CCDC91: variants seen among roughly 807,000 people sequenced by gnomAD.
The protein encoded by CCDC91 is coiled-coil domain containing 91, also known as coiled-coil domain-containing protein 91.
CCDC91 carries 48 observed loss-of-function variants against 63.2 expected under a neutral mutation model. That is an observed-to-expected ratio of 0.76 (90% confidence interval 0.60 to 0.97). The LOEUF (loss-of-function observed/expected upper bound fraction) is 0.97, where lower values mean the gene tolerates loss of function less well. Ranked by LOEUF, CCDC91 falls within the 50% of genes least tolerant of loss-of-function variation. CCDC91 has a pLI of 0.00. For missense variants in CCDC91, 500 were observed against 494.6 expected (o/e 1.01, Z -0.10); for synonymous variants, 167 against 165.8 (o/e 1.01, Z -0.06).
Position 28,289,685 on chromosome 12 carries a change from C to CTTTT in CCDC91, c.110-15944_110-15941dup, listed in dbSNP as rs75555723. Among the ~76,000 whole-genome samples the CTTTT allele has an allele frequency of 4.5e-3, 441 of 98,470 alleles. 31 individuals carry two copies. The highest frequency in any genetic ancestry group is 0.018 in the African/African-American group (383 of 20,726). 64.6% of individuals were successfully genotyped at this position (98,470 alleles called of 152,430 possible). A position where few individuals can be genotyped will look rare whatever the true frequency, so the allele number is the denominator to read the frequency against. ...TTGGGGTGGAGAGTTCTTTTCTTTT[C>CTTTT]TTTTTTTTTTTTTTTTTTTTTTTGA... On this transcript the variant is annotated intron_variant, in intron 3 of 12. Coordinates refer to ENST00000536442, the MANE Select transcript of CCDC91 (RefSeq NM_018318.5).
chr12:28,353,258 A>G (rs1319907660), intron 6 of CCDC91, among the ~76,000 whole-genome samples: 1 of 152,192 alleles, frequency 6.6e-6, no homozygotes, highest in African/African-American at 2.4e-5. Context: ...TTAGGGGGAA[A>G]TGTTGTGGCT....
At chr12:28,268,899 TC>T (rs1426390064) in intron 3 of CCDC91, among the ~76,000 whole-genome samples, 1 of 152,080 alleles carries the variant, frequency 6.6e-6, no homozygotes, top group Non-Finnish European at 1.5e-5. Context: ...ACTTCCTCCC[TC>T]CCTTTACCCC....
intron 12 of CCDC91, among the ~76,000 whole-genome samples, chr12:28,513,101 C>A (rs1257740502): frequency 6.6e-6 from 1 of 151,842 alleles, no homozygotes. Context: ...AGAACCCTGC[C>A]TGGCAAGTCA....
intron 1 of CCDC91, among the ~76,000 whole-genome samples, chr12:28,235,614 G>A (rs536495779): frequency 6.6e-6 from 1 of 151,498 alleles, no homozygotes; most frequent in East Asian, 1.9e-4. Context: ...AAAAGACGAG[G>A]AAAATGAAGC....
intron 7 of CCDC91, among the ~76,000 whole-genome samples, chr12:28,372,603 TTG>T (rs1269400452): frequency 1.3e-5 from 2 of 152,154 alleles, no homozygotes; most frequent in African/African-American, 4.8e-5. Context: ...TTTGTAGCTA[TTG>T]TAAATGGATT....
intron 1 of CCDC91, among the ~76,000 whole-genome samples, chr12:28,228,450 G>A (rs937672952): frequency 6.6e-6 from 1 of 152,016 alleles, no homozygotes; most frequent in African/African-American, 2.4e-5. Flanking sequence ...CTAGCACTTA[G>A]TATTTTCACT....
intron 12 of CCDC91, among the ~76,000 whole-genome samples, chr12:28,509,706 C>G (rs909863823): frequency 2.0e-5 from 3 of 151,786 alleles, no homozygotes; most frequent in Non-Finnish European, 4.4e-5. Context: ...CAGCTAGGTA[C>G]TATTCGAATG....
intron 8 of CCDC91, among the ~76,000 whole-genome samples, chr12:28,411,210 T>A (rs1407029490): frequency 1.3e-5 from 2 of 152,298 alleles, no homozygotes; most frequent in East Asian, 1.9e-4. Flanking sequence ...TCAGACATTG[T>A]TACAGATTTT....
intron 12 of CCDC91, among the ~76,000 whole-genome samples, chr12:28,537,868 T>A (rs1169734601): frequency 6.6e-6 from 1 of 152,152 alleles, no homozygotes. Flanking sequence ...GCCACTCTCA[T>A]TTCTTGGCTA....
At chr12:28,431,590 A>T (rs1312959082) in intron 8 of CCDC91, among the ~76,000 whole-genome samples, 1 of 152,058 alleles carries the variant, frequency 6.6e-6, no homozygotes, top group Non-Finnish European at 1.5e-5. Flanking sequence ...TATATCTCTT[A>T]TAAGCAGGTT....
At chr12:28,433,540 C>T (rs752592632) in intron 8 of CCDC91, among the ~76,000 whole-genome samples, 3 of 151,906 alleles carry the variant, frequency 2.0e-5, no homozygotes, top group Non-Finnish European at 4.4e-5. Context: ...GTTCTATTTT[C>T]TCTCTGTTCT....
chr12:28,498,322 A>G (rs1167420047), intron 12 of CCDC91, among the ~76,000 whole-genome samples: 1 of 151,658 alleles, frequency 6.6e-6, no homozygotes, highest in African/African-American at 2.4e-5. Context: ...ACTCAAAAGG[A>G]AACTGTGATG....
intron 6 of CCDC91, among the ~76,000 whole-genome samples, chr12:28,311,440 G>C (rs911973605): frequency 5.9e-5 from 9 of 152,026 alleles, no homozygotes; most frequent in African/African-American, 2.2e-4. Context: ...GGTTTTCTCT[G>C]ATACCACATC....
chr12:28,302,896 GA>G (rs1938235719), intron 3 of CCDC91: 1 of 152,190 alleles, frequency 6.6e-6, no homozygotes. Context: ...GTAATTTGAA[GA>G]GTGGGTTTTG....
chr12:28,292,051 A>G (rs1949284149), intron 3 of CCDC91, among the ~76,000 whole-genome samples: 1 of 152,172 alleles, frequency 6.6e-6, no homozygotes, highest in African/African-American at 2.4e-5. Context: ...CTGCTGCTTT[A>G]TCACCCGTTT....
intron 1 of CCDC91, among the ~76,000 whole-genome samples, chr12:28,237,256 A>ACACACACACG (rs1316379553): frequency 6.6e-6 from 1 of 151,724 alleles, no homozygotes; most frequent in Non-Finnish European, 1.5e-5. Context: ...ACACACACAC[A>ACACACACACG]CACACACACA....
At chr12:28,453,946 T>C (rs1185015977) in intron 11 of CCDC91, among the ~76,000 whole-genome samples, 2 of 152,098 alleles carry the variant, frequency 1.3e-5, no homozygotes, top group Non-Finnish European at 2.9e-5. Flanking sequence ...TGGAAAAATA[T>C]ATATTTTAAA....
intron 11 of CCDC91, among the ~76,000 whole-genome samples, chr12:28,454,001 G>A (rs554554858): frequency 2.0e-5 from 3 of 152,206 alleles, no homozygotes; most frequent in South Asian, 2.1e-4. Flanking sequence ...CAAGAAACAT[G>A]CAGTATATGA....
intron 3 of CCDC91, among the ~76,000 whole-genome samples, chr12:28,293,114 A>G (rs575036952): frequency 2.6e-5 from 4 of 152,240 alleles, no homozygotes; most frequent in South Asian, 2.1e-4. Flanking sequence ...GATTATTAAT[A>G]TACATTATAA....
Sources: gnomAD v4.1 joint callset for allele counts (sites outside exome capture counted in the v4.1 genomes callset) on GRCh38, gnomAD v4.1.1 for gene constraint, MANE v1.5 for transcripts, NCBI Gene and HGNC (gene_info 2026-07-23, HGNC 2026-07-21) for gene names.